The following CUEDC2 variants were observed in gnomAD, a reference collection of about 807,000 sequenced individuals.
CUEDC2 encodes the protein CUE domain containing 2.
In CUEDC2, 10 loss-of-function variants were observed where a neutral mutation model predicts 36.0. The observed-to-expected ratio is 0.28, with a 90% confidence interval of 0.17 to 0.47. The LOEUF (loss-of-function observed/expected upper bound fraction) is 0.47, where lower values mean the gene tolerates loss of function less well. CUEDC2 is among the 20% of genes least tolerant of loss of function. CUEDC2 has a pLI of 0.99. For synonymous variants in CUEDC2, 133 were observed against 141.8 expected (o/e 0.94, Z 0.44); for missense variants, 269 against 368.1 (o/e 0.73, Z 2.20).
intron 1 of CUEDC2, among the ~76,000 whole-genome samples, chr10:102,429,639 GAGC>G (rs1247523359): frequency 1.2e-4 from 17 of 144,794 alleles, no homozygotes; most frequent in Admixed American, 1.1e-3. Flanking sequence ...CCCTGAGGAA[GAGC>G]AGAATGGCTC....
chr10:102,426,958 C>T (rs369827852), intron 1 of CUEDC2, among the ~76,000 whole-genome samples: 7 of 152,126 alleles, frequency 4.6e-5, no homozygotes, highest in East Asian at 3.9e-4. Context: ...TCACCGTGCC[C>T]GGCCTCAAAA....
rs1262393952 is a variant in CUEDC2 at position 102,423,353 on chromosome 10, T to C, written c.*73A>G. On this transcript the variant is annotated 3_prime_UTR_variant, in exon 9 of 9. Transcript: ENST00000369937. This position sits in a 1 kb window ranked among gnomAD's most constrained non-coding sequence, Gnocchi z 5.6. ...GGGGACAGGAGTTAGGGGGCCCCTG[T>C]GTAGGGGTATAGGGCTCCTGCATCC... 8.2e-6 allele frequency: 13 copies of C among 1,575,788 alleles called. No homozygotes were observed. The highest frequency in any genetic ancestry group is 1.0e-5 in the Non-Finnish European group (12 of 1,148,010).
chr10:102,430,388 C>T (rs902115841), intron 1 of CUEDC2, among the ~76,000 whole-genome samples: 3 of 151,806 alleles, frequency 2.0e-5, no homozygotes, highest in African/African-American at 4.8e-5. Flanking sequence ...AGGCTGGTCT[C>T]GAACTCCCGA....
chr10:102,428,612 G>A (rs1167164036), intron 1 of CUEDC2, among the ~76,000 whole-genome samples: 2 of 152,160 alleles, frequency 1.3e-5, no homozygotes, highest in Non-Finnish European at 2.9e-5. Context: ...GGCTGGGCAC[G>A]GTGCCTCATG....
At chr10:102,428,953 C>T (rs774252928) in intron 1 of CUEDC2, among the ~76,000 whole-genome samples, 17 of 148,364 alleles carry the variant, frequency 1.1e-4, no homozygotes, top group Admixed American at 2.1e-4. Flanking sequence ...ACCTGGGAGG[C>T]GGAGGTTGCA....
intron 1 of CUEDC2, among the ~76,000 whole-genome samples, chr10:102,429,331 T>C (rs766097598): frequency 6.6e-6 from 1 of 152,170 alleles, no homozygotes; most frequent in East Asian, 1.9e-4. Context: ...AATTTACCTA[T>C]GAAGAAATGA....
rs780854661 is a variant in CUEDC2, at chr10:102,424,800, A to T, written c.75-8T>A. 1 of 1,612,654 alleles carries T rather than the reference A, an allele frequency of 6.2e-7. No individual in the cohort carries two copies. Among genetic ancestry groups the T allele is most frequent in the South Asian group, 1.1e-5 (1 of 91,054 alleles). ...ATGACCTCATCCAAGCCACTGCAGG[A>T]AGGGAACAGGACAAGCCCTGGGTAG... On this transcript the variant is annotated splice_region_variant and splice_polypyrimidine_tract_variant and intron_variant, in intron 2 of 8. Transcript: ENST00000369937. The surrounding 1 kb of genome is among the most constrained non-coding windows in gnomAD (Gnocchi z 4.2).
intron 1 of CUEDC2, among the ~76,000 whole-genome samples, chr10:102,427,304 C>T (rs897541437): frequency 2.6e-5 from 4 of 152,136 alleles, no homozygotes; most frequent in African/African-American, 9.7e-5. Context: ...CTCATCTGGG[C>T]CCACATCTTT....
intron 1 of CUEDC2, among the ~76,000 whole-genome samples, chr10:102,431,107 C>A (rs1234117257): frequency 6.6e-6 from 1 of 152,100 alleles, no homozygotes; most frequent in Non-Finnish European, 1.5e-5. Flanking sequence ...AATGTAGATA[C>A]TGTTATTCTC....
Position 102,424,485 on chromosome 10 carries a change from A to G in CUEDC2, c.280+14T>C. On this transcript the variant is annotated intron_variant, in intron 4 of 8. Transcript: ENST00000369937. The surrounding 1 kb of genome is among the most constrained non-coding windows in gnomAD (Gnocchi z 4.2). ...GATTATGAATCACTCAGGTGCCCAG[A>G]GCCCCAGACTCACCTTTGTTCCTGG... The G allele has an allele frequency of 6.2e-7, 1 of 1,614,048 alleles. No homozygotes were observed. The highest frequency in any genetic ancestry group is 8.5e-7 in the Non-Finnish European group (1 of 1,179,996).
chr10:102,430,609 T>C (rs2061613679), intron 1 of CUEDC2, among the ~76,000 whole-genome samples: 1 of 149,828 alleles, frequency 6.7e-6, no homozygotes, highest in Non-Finnish European at 1.5e-5. Flanking sequence ...CCTAAGCTTT[T>C]CTCTAGTTTG....
At chr10:102,432,276 G>A (rs539083582) in intron 1 of CUEDC2, among the ~76,000 whole-genome samples, 2 of 152,368 alleles carry the variant, frequency 1.3e-5, no homozygotes, top group African/African-American at 2.4e-5. Context: ...ACCCGCTAGC[G>A]GGACACCCGT....
chr10:102,426,521 A>T (rs558383278), intron 1 of CUEDC2, among the ~76,000 whole-genome samples: 2 of 152,158 alleles, frequency 1.3e-5, no homozygotes, highest in Non-Finnish European at 2.9e-5. Flanking sequence ...CACCCCTACC[A>T]GTCAATCACC....
At position 102,423,327 on chromosome 10, in the gene CUEDC2, G is replaced by A. The variant is rs2061582341; in HGVS notation, c.*99C>T. On this transcript the variant is annotated 3_prime_UTR_variant, in exon 9 of 9. Coordinates refer to ENST00000369937, the MANE Select transcript of CUEDC2 (RefSeq NM_024040.3). The surrounding 1 kb of genome is among the most constrained non-coding windows in gnomAD (Gnocchi z 5.6). The stretch of plus-strand genomic sequence containing the variant: ...CACTATGGAGCAAAGGAGTAGAGAA[G>A]GGGGACAGGAGTTAGGGGGCCCCTG... 28 of 1,401,216 alleles carry A rather than the reference G, an allele frequency of 2.0e-5. No individual in the cohort carries two copies. In the South Asian group the frequency reaches 2.4e-4, roughly 12 times the overall value. The allele number at this position is 1,401,216 out of a possible 1,614,324, so 86.8% of individuals were successfully genotyped here. A position where few individuals can be genotyped will look rare whatever the true frequency, so the allele number is the denominator to read the frequency against.
intron 1 of CUEDC2, among the ~76,000 whole-genome samples, chr10:102,429,033 A>G (rs546597632): frequency 1.8e-3 from 281 of 152,024 alleles, no homozygotes; most frequent in Admixed American, 2.9e-3. Context: ...AAAAAAAAAA[A>G]AAAAGAAAAG....
At chr10:102,429,585 C>T (rs1421234242) in intron 1 of CUEDC2, among the ~76,000 whole-genome samples, 2 of 149,318 alleles carry the variant, frequency 1.3e-5, no homozygotes, top group African/African-American at 5.0e-5. Context: ...GAAGCCCCAG[C>T]CTACCAGGGG....
At chr10:102,428,713 A>G (rs550363754) in intron 1 of CUEDC2, among the ~76,000 whole-genome samples, 2 of 152,030 alleles carry the variant, frequency 1.3e-5, no homozygotes, top group East Asian at 3.9e-4. Flanking sequence ...TCAAGACCCC[A>G]TCTCTCTTTT....
chr10:102,432,153 G>C (rs770895338), intron 1 of CUEDC2, among the ~76,000 whole-genome samples: 1 of 152,188 alleles, frequency 6.6e-6, no homozygotes, highest in South Asian at 2.1e-4. Flanking sequence ...CAAGGGCATT[G>C]AGGGGAACAA....
rs779335743 is a variant in CUEDC2, at chr10:102,423,522, T to C, written c.768A>G (p.Lys256=). The C allele has an allele frequency of 1.8e-5, 29 of 1,614,202 alleles. No homozygotes were observed. The highest frequency in any genetic ancestry group is 2.4e-5 in the Non-Finnish European group (28 of 1,180,032). ...TCCGCACATCTTTGAATCGCTCCCC[T>C]TTGGTGCTCACTACCTGGTTGTCGA... ...RYIDNQVVST[K]GERFKDVRNP... is the part of the protein sequence containing the mutation. Residue 256 remains lysine (K), a synonymous_variant, in exon 9 of 9, where the codon AAA becomes AAG. Coordinates refer to ENST00000369937, the MANE Select transcript of CUEDC2 (RefSeq NM_024040.3). This position sits in a 1 kb window ranked among gnomAD's most constrained non-coding sequence, Gnocchi z 5.6.
Sources: allele counts gnomAD v4.1 joint callset (sites outside exome capture counted in the v4.1 genomes callset), GRCh38; gene constraint gnomAD v4.1.1; non-coding constraint Gnocchi (gnomAD v3.1); transcripts MANE v1.5; gene names NCBI Gene and HGNC (gene_info 2026-07-23, HGNC 2026-07-21).